The following TMEM132A variants were observed in gnomAD, a reference collection of about 807,000 sequenced individuals.
TMEM132A encodes the protein transmembrane protein 132A.
In TMEM132A, 48 loss-of-function variants were observed where a neutral mutation model predicts 69.9. That is an observed-to-expected ratio of 0.69 (90% CI 0.55 to 0.87). The LOEUF is 0.87. TMEM132A is among the 40% of genes least tolerant of loss of function. TMEM132A has a pLI of 0.00. For missense variants in TMEM132A, 1,287 were observed against 1,407.2 expected (o/e 0.91, Z 1.37); for synonymous variants, 577 against 613.7 (o/e 0.94, Z 0.88).
chr11:60,935,993 C>T lies in TMEM132A; in HGVS notation c.2158C>T (p.Gln720Ter), dbSNP rs1038166989. Residue 720 changes from glutamine to a stop codon, truncating the protein, a stop_gained, in exon 11 of 11, where the codon CAG (glutamine) becomes TAG (stop). Coordinates refer to ENST00000453848, the MANE Select transcript of TMEM132A (RefSeq NM_178031.3). LOFTEE classifies it low-confidence loss of function (END_TRUNC). This position sits in a 1 kb window ranked among gnomAD's most constrained non-coding sequence, Gnocchi z 5.0. ...EPGAILPAEE[Q>*]GAQLGVVVSG... ...TGGTGCCATCCTGCCAGCTGAGGAG[C>T]AGGGTGCCCAGCTCGGGGTGGTGGT... The T allele has an allele frequency of 3.1e-6, 5 of 1,609,394 alleles. No individual in the cohort carries two copies. The highest frequency in any genetic ancestry group is 3.4e-6 in the Non-Finnish European group (4 of 1,179,404).
rs1052927250 is a variant in TMEM132A at position 60,927,788 on chromosome 11, G to A, written c.463G>A (p.Gly155Ser). 4 of 1,612,794 alleles carry A rather than the reference G, an allele frequency of 2.5e-6. No homozygotes were observed. Among genetic ancestry groups the A allele is most frequent in the Non-Finnish European group, 3.4e-6 (4 of 1,180,006 alleles). Reference sequence around the variant, plus strand: ...AGGGCAGGATTGGCCACCAGGGTCTGGCAGCCTGCCCTGTGCCCGGCTCCA... The same window carrying A: ...AGGGCAGGATTGGCCACCAGGGTCTAGCAGCCTGCCCTGTGCCCGGCTCCA... ...LKGQDWPPGS[G>S]SLPCARLHAT... The change falls in exon 3 of 11, where the codon GGC becomes AGC. Residue 155 changes from glycine to serine, a missense_variant. Gly to Ser is a moderately conservative substitution (Grantham distance 56). Transcript: ENST00000453848.
Position 60,928,756 on chromosome 11 carries a change from C to T in TMEM132A, c.662C>T (p.Ser221Phe), listed in dbSNP as rs774876744. ...PAAEGPGGCGSGEENDPGEQA... is the reference protein window; with the variant it reads ...PAAEGPGGCGFGEENDPGEQA... ...GCTGAGGGCCCTGGGGGCTGTGGCTCCGGCGAGGAGAACGACCCTGGGGAG... is the reference window on the plus strand; with the variant it reads ...GCTGAGGGCCCTGGGGGCTGTGGCTTCGGCGAGGAGAACGACCCTGGGGAG... Residue 221 changes from serine (S) to phenylalanine (F), a missense_variant, in exon 4 of 11, where the codon TCC becomes TTC. By Grantham distance (155) the Ser-to-Phe change is radical. Coordinates refer to ENST00000453848, the MANE Select transcript of TMEM132A (RefSeq NM_178031.3). 5 of 1,608,910 alleles carry T rather than the reference C, an allele frequency of 3.1e-6. No individual in the cohort carries two copies. Among genetic ancestry groups the T allele is most frequent in the Non-Finnish European group, 4.2e-6 (5 of 1,178,298 alleles).
chr11:60,926,851 C>T (rs910726049), intron 1 of TMEM132A, among the ~76,000 whole-genome samples: 8 of 152,178 alleles, frequency 5.3e-5, no homozygotes, highest in African/African-American at 1.9e-4. Flanking sequence ...GGTTGCACCC[C>T]AGAAGTGCCT....
intron 4 of TMEM132A, among the ~76,000 whole-genome samples, chr11:60,930,160 C>T (rs942772494): frequency 2.6e-5 from 4 of 152,166 alleles, no homozygotes; most frequent in East Asian, 1.9e-4. Context: ...CTTGGAGTCA[C>T]GAATGGGTGC....
In TMEM132A at chr11:60,935,237, C is replaced by T; in HGVS notation, c.1837-15C>T. 2 of 1,593,952 alleles carry T rather than the reference C, an allele frequency of 1.3e-6. No homozygotes were observed. Among genetic ancestry groups the T allele is most frequent in the Admixed American group, 1.7e-5 (1 of 57,154 alleles). On this transcript the variant is annotated splice_polypyrimidine_tract_variant and intron_variant, in intron 9 of 10. Coordinates refer to ENST00000453848, the MANE Select transcript of TMEM132A (RefSeq NM_178031.3). The surrounding 1 kb of genome is among the most constrained non-coding windows in gnomAD (Gnocchi z 5.0). ...TATGGAAGGCCCCCCACCTCCAGCT[C>T]CTTTCCACCCTCAGGTGCGTTCCCC...
In TMEM132A at chr11:60,931,862, G is replaced by A. The variant is rs59336122; in HGVS notation, c.1190G>A (p.Arg397Lys). ...WEILVSERDIRALIPLAKAEE... is the reference protein window; with the variant it reads ...WEILVSERDIKALIPLAKAEE... ...ATCCTGGTGTCTGAGCGGGACATCA[G>A]AGCCCTTATCCCACTGGCCAAGGTA... The change falls in exon 6 of 11, where the codon AGA (arginine) becomes AAA (lysine). Residue 397 changes from arginine (R) to lysine (K), a missense_variant. Arg to Lys is a conservative substitution (Grantham distance 26). Transcript: ENST00000453848. 1 of 1,614,234 alleles carries A rather than the reference G, an allele frequency of 6.2e-7. No individual in the cohort carries two copies. Among genetic ancestry groups the A allele is most frequent in the South Asian group, 1.1e-5 (1 of 91,088 alleles).
chr11:60,935,562 C>A lies in TMEM132A; in HGVS notation c.2028+119C>A. ...CCCCTTAGGGTTTTCAGAGTGAGGA[C>A]TGACTCTGTGAGGTAGTGAGCTCTC... On this transcript the variant is annotated intron_variant, in intron 10 of 10. Transcript: ENST00000453848. This position sits in a 1 kb window ranked among gnomAD's most constrained non-coding sequence, Gnocchi z 5.0. 9.0e-7 allele frequency: 1 copy of A among 1,113,542 alleles called. No homozygotes were observed. The highest frequency in any genetic ancestry group is 1.3e-6 in the Non-Finnish European group (1 of 784,616). 69.0% of individuals were successfully genotyped at this position (1,113,542 alleles called of 1,614,324 possible). A position where few individuals can be genotyped will look rare whatever the true frequency, so the allele number is the denominator to read the frequency against.
chr11:60,931,235 G>T (rs1856473894), intron 5 of TMEM132A, among the ~76,000 whole-genome samples: 1 of 152,172 alleles, frequency 6.6e-6, no homozygotes, highest in African/African-American at 2.4e-5. Flanking sequence ...ATAAAATACA[G>T]TGCTACATAT....
At chr11:60,931,029 C>T (rs1279004340) in intron 5 of TMEM132A, among the ~76,000 whole-genome samples, 5 of 152,084 alleles carry the variant, frequency 3.3e-5, no homozygotes, top group East Asian at 1.9e-4. Flanking sequence ...TGCAGTTCTG[C>T]GGTTGTGAAC....
At chr11:60,929,325 G>A (rs1435337672) in intron 4 of TMEM132A, among the ~76,000 whole-genome samples, 1 of 152,238 alleles carries the variant, frequency 6.6e-6, no homozygotes, top group Admixed American at 6.5e-5. Context: ...CAGTGCTCCA[G>A]AGAGGGATAT....
chr11:60,926,922 T>C (rs2134892472), intron 1 of TMEM132A: 1 of 519,532 alleles, frequency 1.9e-6, no homozygotes, highest in Non-Finnish European at 3.5e-6. Flanking sequence ...TTGAGAAGGC[T>C]GTTGGCGAGA....
chr11:60,935,221 C>A lies in TMEM132A; in HGVS notation c.1837-31C>A. 6.4e-7 allele frequency: 1 copy of A among 1,565,678 alleles called. No homozygotes were observed. On this transcript the variant is annotated intron_variant, in intron 9 of 10. Coordinates refer to ENST00000453848, the MANE Select transcript of TMEM132A (RefSeq NM_178031.3). The surrounding 1 kb of genome is among the most constrained non-coding windows in gnomAD (Gnocchi z 5.0). ...GGGTGGGGGCTGTCTGTATGGAAGG[C>A]CCCCCACCTCCAGCTCCTTTCCACC... is the stretch of plus-strand genomic sequence containing the variant.
At chr11:60,934,823 A>G (rs1856554311) in intron 9 of TMEM132A, 59 bp downstream of exon 9, 2 of 1,507,820 alleles carry the variant, frequency 1.3e-6, no homozygotes, top group Admixed American at 4.0e-5. Context: ...GGCCCCCAAA[A>G]TGTTCGTGGG....
intron 4 of TMEM132A, among the ~76,000 whole-genome samples, chr11:60,930,297 C>T (rs1856447393): frequency 6.6e-6 from 1 of 152,140 alleles, no homozygotes; most frequent in Non-Finnish European, 1.5e-5. Context: ...ACCTTATGGG[C>T]AGTGGGGAGG....
Position 60,934,680 on chromosome 11 carries a change from C to G in TMEM132A, c.1752C>G (p.His584Gln), listed in dbSNP as rs747759500. 3 of 1,602,634 alleles carry G rather than the reference C, an allele frequency of 1.9e-6. No individual in the cohort carries two copies. Among genetic ancestry groups the G allele is most frequent in the Non-Finnish European group, 2.5e-6 (3 of 1,179,290 alleles). ...LLDVSHLVAP[H>Q]ARVLDSRVAS... ...ACGTGTCCCACCTCGTGGCGCCACA[C>G]GCCCGCGTGCTGGACTCGCGTGTAG... Residue 584 changes from histidine (H) to glutamine (Q), a missense_variant, in exon 9 of 11, where the codon CAC becomes CAG. By Grantham distance (24) the His-to-Gln change is conservative. Transcript: ENST00000453848.
At chr11:60,927,462 G>A (rs761475835) in intron 2 of TMEM132A, 44 bp downstream of exon 2, 5 of 1,555,422 alleles carry the variant, frequency 3.2e-6, no homozygotes, top group Non-Finnish European at 4.4e-6. Flanking sequence ...CAGGACTCAG[G>A]GCCTGAGGTC....
At chr11:60,933,223 C>T (rs1856517463) in intron 7 of TMEM132A, 1 of 323,006 alleles carries the variant, frequency 3.1e-6, no homozygotes, top group South Asian at 7.6e-5. Context: ...CTCACTCTGT[C>T]CCCAGGCTGG....
Position 60,933,714 on chromosome 11 carries a change from G to A in TMEM132A, c.1529G>A (p.Arg510His), listed in dbSNP as rs753291593. Reference protein sequence around the residue: ...ELTDTTLEQVRGWRVPGPAEG... With the variant: ...ELTDTTLEQVHGWRVPGPAEG... ...ACCGACACCACCCTCGAGCAGGTCC[G>A]CGGCTGGAGGGTACCTGGCCCTGCT... The change falls in exon 8 of 11, where the codon CGC becomes CAC. Residue 510 changes from arginine (R) to histidine (H), a missense_variant. Physicochemically the swap from Arg to His is conservative, Grantham distance 29. Transcript: ENST00000453848. The A allele has an allele frequency of 1.3e-6, 2 of 1,591,074 alleles. No homozygotes were observed. Among genetic ancestry groups the A allele is most frequent in the Non-Finnish European group, 1.7e-6 (2 of 1,170,426 alleles).
intron 4 of TMEM132A, among the ~76,000 whole-genome samples, 180 bp downstream of exon 4, chr11:60,929,140 G>T (rs1856421515): frequency 6.6e-6 from 1 of 152,196 alleles, no homozygotes; most frequent in South Asian, 2.1e-4. Flanking sequence ...CCCACCATGG[G>T]CACAGCCCTG....
Sources: allele counts gnomAD v4.1 joint callset (sites outside exome capture counted in the v4.1 genomes callset), GRCh38; gene constraint gnomAD v4.1.1; non-coding constraint Gnocchi (gnomAD v3.1); transcripts MANE v1.5; gene names NCBI Gene and HGNC (gene_info 2026-07-23, HGNC 2026-07-21).